The following L3MBTL4 variants were observed in gnomAD, a reference collection of about 807,000 sequenced individuals.
The protein encoded by L3MBTL4 is lethal(3)malignant brain tumor-like protein 4.
Under a neutral mutation model 84.5 loss-of-function variants are expected in L3MBTL4, and 70 were observed. The observed-to-expected ratio is 0.83, with a 90% CI of 0.68 to 1.01. The LOEUF is 1.01. L3MBTL4 is among the 50% of genes least tolerant of loss of function. The pLI, the probability that L3MBTL4 is intolerant of heterozygous loss-of-function variation, is 0.00. For synonymous variants in L3MBTL4, 274 were observed against 259.8 expected (o/e 1.05, Z -0.52); for missense variants, 715 against 754.8 (o/e 0.95, Z 0.62).
chr18:6,356,405 G>A (rs2053448038), intron 1 of L3MBTL4, among the ~76,000 whole-genome samples: 1 of 152,212 alleles, frequency 6.6e-6, no homozygotes, highest in African/African-American at 2.4e-5. Context: ...TTCTTTTCCT[G>A]ATTGCCTGGA....
chr18:6,130,587 A>C (rs1218490636), intron 14 of L3MBTL4, among the ~76,000 whole-genome samples: 1 of 152,170 alleles, frequency 6.6e-6, no homozygotes, highest in Non-Finnish European at 1.5e-5. Flanking sequence ...TCTGGCTCTC[A>C]ATGTAAATAA....
chr18:6,004,575 A>G (rs936715052), intron 16 of L3MBTL4, among the ~76,000 whole-genome samples: 5 of 152,226 alleles, frequency 3.3e-5, no homozygotes, highest in Admixed American at 1.3e-4. Flanking sequence ...CACAGATGAC[A>G]TGATCTTACA....
intron 10 of L3MBTL4, among the ~76,000 whole-genome samples, chr18:6,217,047 C>A (rs138485666): frequency 6.6e-6 from 1 of 152,124 alleles, no homozygotes; most frequent in Admixed American, 6.5e-5. Flanking sequence ...AAGTCTGAAG[C>A]AATATGCTCA....
intron 16 of L3MBTL4, among the ~76,000 whole-genome samples, chr18:6,077,768 C>T (rs562070195): frequency 1.3e-5 from 2 of 151,506 alleles, no homozygotes; most frequent in African/African-American, 4.8e-5. Flanking sequence ...CAGTGGCTCA[C>T]GCCTGTAATC....
chr18:6,054,156 G>T (rs1271915120), intron 16 of L3MBTL4, among the ~76,000 whole-genome samples: 1 of 152,112 alleles, frequency 6.6e-6, no homozygotes, highest in Non-Finnish European at 1.5e-5. Flanking sequence ...CAGCACTGTA[G>T]ATCTTAGTAT....
chr18:6,373,126 A>T (rs1438968018), intron 1 of L3MBTL4, among the ~76,000 whole-genome samples: 2 of 152,126 alleles, frequency 1.3e-5, no homozygotes, highest in Non-Finnish European at 2.9e-5. Flanking sequence ...GGGGAAAAAA[A>T]TTTCTCTAAG....
chr18:6,022,362 G>A (rs976929917), intron 16 of L3MBTL4, among the ~76,000 whole-genome samples: 2 of 152,082 alleles, frequency 1.3e-5, no homozygotes, highest in African/African-American at 4.8e-5. Flanking sequence ...CAGACCTCAG[G>A]GAAGCCTCTG....
chr18:6,274,881 C>T (rs553382510), intron 4 of L3MBTL4, among the ~76,000 whole-genome samples: 2 of 152,172 alleles, frequency 1.3e-5, no homozygotes, highest in South Asian at 2.1e-4. Flanking sequence ...CTGAATGAGA[C>T]GTGAAAAAAC....
rs190553144 is a variant in L3MBTL4, at chr18:6,093,493, T to A, written c.1235A>T (p.Lys412Ile). The part of the protein sequence containing the change: ...FGCPYSDMNL[K>I]KEATLHDRLR... ...ACGATCGTGAAGTGTTGCCTCCTTT[T>A]TCAAGTTCATGTCTGAATACGGGCA... Residue 412 changes from lysine (K) to isoleucine (I), a missense_variant, in exon 15 of 19, where the codon AAA becomes ATA. By Grantham distance (102) the Lys-to-Ile change is moderately radical. Coordinates refer to ENST00000317931, the MANE Select transcript of L3MBTL4 (RefSeq NM_001330559.2). 2.5e-6 allele frequency: 4 copies of A among 1,613,778 alleles called. No homozygotes were observed. The East Asian group carries it at 8.9e-5, about 36-fold the overall frequency.
chr18:5,975,814 A>T (rs1423901049), intron 16 of L3MBTL4, among the ~76,000 whole-genome samples: 4 of 152,230 alleles, frequency 2.6e-5, no homozygotes, highest in African/African-American at 9.6e-5. Flanking sequence ...CACTCAGCAC[A>T]TGCTGTTTCT....
At chr18:6,175,257 C>T (rs2044176039) in intron 12 of L3MBTL4, among the ~76,000 whole-genome samples, 1 of 151,844 alleles carries the variant, frequency 6.6e-6, no homozygotes, top group Non-Finnish European at 1.5e-5. Context: ...ACAGTGCAGG[C>T]AAGAAGATAA....
chr18:6,318,871 T>C (rs1367509471), intron 1 of L3MBTL4, among the ~76,000 whole-genome samples: 1 of 152,080 alleles, frequency 6.6e-6, no homozygotes, highest in Non-Finnish European at 1.5e-5. Context: ...AGATAGACCA[T>C]ATAACAGGCC....
chr18:6,407,473 C>T (rs187711391), intron 1 of L3MBTL4, among the ~76,000 whole-genome samples: 9 of 152,296 alleles, frequency 5.9e-5, no homozygotes, highest in Admixed American at 5.2e-4. Context: ...ATGCTGGCAT[C>T]TCCAATAATT....
intron 4 of L3MBTL4, among the ~76,000 whole-genome samples, chr18:6,284,553 C>T (rs1288503684): frequency 6.6e-6 from 1 of 152,230 alleles, no homozygotes; most frequent in Non-Finnish European, 1.5e-5. Context: ...CGCCGCAGCG[C>T]CGCCACCTTG....
At chr18:6,121,800 T>C (rs1005743221) in intron 14 of L3MBTL4, among the ~76,000 whole-genome samples, 2 of 152,070 alleles carry the variant, frequency 1.3e-5, no homozygotes, top group Admixed American at 6.6e-5. Flanking sequence ...TCATTTCGTC[T>C]TGGCCTTGTC....
rs371892998 is a variant in L3MBTL4 at position 6,052,533 on chromosome 18, T to C, written c.1444+28348A>G. The stretch of plus-strand genomic sequence containing the variant: ...GGCTACAGTGAACAGTGGGGCTTAC[T>C]GCACTTCTACGCCTCTTGTGGAATA... On this transcript the variant is annotated intron_variant, in intron 16 of 18. Coordinates refer to ENST00000317931, the MANE Select transcript of L3MBTL4 (RefSeq NM_001330559.2). Among the ~76,000 whole-genome samples the C allele has an allele frequency of 1.1e-4, 16 of 152,368 alleles. No individual in the cohort carries two copies. In the East Asian group the frequency reaches 2.7e-3, roughly 26 times the overall value.
intron 1 of L3MBTL4, among the ~76,000 whole-genome samples, chr18:6,398,671 T>C (rs1427251999): frequency 1.3e-5 from 2 of 150,882 alleles, no homozygotes; most frequent in African/African-American, 2.4e-5. Flanking sequence ...GATGTTTTGA[T>C]TGTGCCTCAC....
intron 16 of L3MBTL4, among the ~76,000 whole-genome samples, chr18:6,043,317 G>A (rs113873567): frequency 0.016 from 2,489 of 152,078 alleles, 73 homozygotes; most frequent in African/African-American, 0.057. Flanking sequence ...TCCCTGTCTC[G>A]GTTCAATTTG....
intron 16 of L3MBTL4, among the ~76,000 whole-genome samples, chr18:6,068,957 C>A (rs193139506): frequency 6.2e-4 from 95 of 152,316 alleles, no homozygotes; most frequent in Middle Eastern, 6.8e-3. Flanking sequence ...AGACCCAGAC[C>A]ACAGTGATTG....
Sources: gnomAD v4.1 joint callset for allele counts (sites outside exome capture counted in the v4.1 genomes callset) on GRCh38, gnomAD v4.1.1 for gene constraint, MANE v1.5 for transcripts, NCBI Gene and HGNC (gene_info 2026-07-23, HGNC 2026-07-21) for gene names.